TARS3: variants seen among roughly 807,000 people sequenced by gnomAD.
The protein encoded by TARS3 is threonyl-tRNA synthetase 3, also known as threonine--tRNA ligase 2, cytoplasmic.
A neutral mutation model predicts 103.5 loss-of-function variants in TARS3; 94 were observed. The ratio of observed to expected loss-of-function variants is 0.91; its 90% confidence interval spans 0.77 to 1.08. TARS3 has a LOEUF of 1.08. Ranked by LOEUF, TARS3 falls within the 50% of genes least tolerant of loss-of-function variation. The pLI, the probability that TARS3 is intolerant of heterozygous loss-of-function variation, is 0.00. For synonymous variants in TARS3, 416 were observed against 355.4 expected, an observed-to-expected ratio of 1.17 and a Z score of -1.92; for missense variants, 952 against 995.2, an observed-to-expected ratio of 0.96 and a Z score of 0.58.
chr15:101,686,342 A>G (rs1898474475), intron 10 of TARS3, among the ~76,000 whole-genome samples: 1 of 152,200 alleles, frequency 6.6e-6, no homozygotes, highest in Non-Finnish European at 1.5e-5. Context: ...AATACAATAT[A>G]TATAGAAACT....
At chr15:101,682,038 T>C (rs1293058120) in intron 12 of TARS3, among the ~76,000 whole-genome samples, 1 of 152,242 alleles carries the variant, frequency 6.6e-6, no homozygotes, top group Admixed American at 6.5e-5. Flanking sequence ...TCTAATAGCT[T>C]TCTGTAGATT....
intron 7 of TARS3, among the ~76,000 whole-genome samples, chr15:101,705,319 G>T (rs1183791989): frequency 6.6e-6 from 1 of 152,206 alleles, no homozygotes; most frequent in Non-Finnish European, 1.5e-5. Context: ...ACTCTGGACA[G>T]TAAGTATGAG....
intron 12 of TARS3, among the ~76,000 whole-genome samples, chr15:101,681,210 T>C (rs1898242640): frequency 6.6e-6 from 1 of 152,212 alleles, no homozygotes; most frequent in African/African-American, 2.4e-5. Flanking sequence ...ATAGTGACTC[T>C]TCCAAATTTG....
In TARS3 at chr15:101,721,198, C is replaced by T. The variant is rs1400772484; in HGVS notation, c.494G>A (p.Arg165Lys). The T allele has an allele frequency of 1.2e-6, 2 of 1,613,782 alleles. No homozygotes were observed. The highest frequency in any genetic ancestry group is 2.7e-5 in the African/African-American group (2 of 74,910). ...KGDTSNIITVRVADGQTVQGE... is the reference protein window; with the variant it reads ...KGDTSNIITVKVADGQTVQGE... ...TTGCACTGTTTGCCCATCAGCCACT[C>T]TTACTGTGATGATGTTGCTTGTATC... Residue 165 changes from arginine (R) to lysine (K), a missense_variant, in exon 3 of 19, where the codon AGA becomes AAA. By Grantham distance (26) the Arg-to-Lys change is conservative. Around this residue, in one of 2 missense-constraint regions of TARS3, gnomAD observed 412 missense variants for 364.2 expected, o/e 1.13. Coordinates refer to ENST00000335968, the MANE Select transcript of TARS3 (RefSeq NM_152334.3).
chr15:101,705,830 G>T, intron 6 of TARS3, 83 bp from the exon 7 acceptor site: 1 of 1,170,092 alleles, frequency 8.5e-7, no homozygotes, highest in Non-Finnish European at 1.2e-6. Context: ...AAGAAACATT[G>T]AAAGGTCATC....
chr15:101,723,627 C>G (rs1355316072), intron 1 of TARS3, among the ~76,000 whole-genome samples: 1 of 152,138 alleles, frequency 6.6e-6, no homozygotes, highest in African/African-American at 2.4e-5. Context: ...GTTAAATATA[C>G]AGCTATCCTC....
At chr15:101,723,254 C>CTG in intron 1 of TARS3, 90 bp from the exon 2 acceptor site, 1 of 1,218,554 alleles carries the variant, frequency 8.2e-7, no homozygotes, top group Admixed American at 1.8e-5. Flanking sequence ...CTGCAAGTGC[C>CTG]CCGTGTTTAG....
chr15:101,704,014 A>G (rs746244950), intron 7 of TARS3, 77 bp from the exon 8 acceptor site: 1 of 1,049,542 alleles, frequency 9.5e-7, no homozygotes, highest in Non-Finnish European at 1.4e-6. Flanking sequence ...ATAATATCCT[A>G]TGTTTTAGGT....
intron 9 of TARS3, among the ~76,000 whole-genome samples, chr15:101,701,412 G>C (rs1005290965): frequency 6.6e-6 from 1 of 152,150 alleles, no homozygotes; most frequent in Admixed American, 6.5e-5. Flanking sequence ...TATTCTCTGC[G>C]AATTTTCTTA....
At chr15:101,712,143 C>T in intron 4 of TARS3, 142 bp from the exon 5 acceptor site, 1 of 853,844 alleles carries the variant, frequency 1.2e-6, no homozygotes. Context: ...AAAGGAAAAT[C>T]TTCGATGCCC....
At chr15:101,686,841 T>TA (rs1443815309) in intron 10 of TARS3, among the ~76,000 whole-genome samples, 1 of 151,650 alleles carries the variant, frequency 6.6e-6, no homozygotes, top group East Asian at 1.9e-4. Context: ...TGAGAATCCT[T>TA]AGATTCTCAA....
intron 13 of TARS3, among the ~76,000 whole-genome samples, chr15:101,673,634 G>T (rs1897906850): frequency 6.6e-6 from 1 of 152,188 alleles, no homozygotes. Flanking sequence ...GCTGAGCTCT[G>T]TGTCCTCATT....
chr15:101,697,129 C>T (rs1023037666), intron 10 of TARS3, among the ~76,000 whole-genome samples: 1 of 152,172 alleles, frequency 6.6e-6, no homozygotes, highest in African/African-American at 2.4e-5. Flanking sequence ...CTTTTCCCTC[C>T]CTTGAAATGC....
chr15:101,709,916 G>A (rs890150990), intron 5 of TARS3, among the ~76,000 whole-genome samples: 5 of 152,174 alleles, frequency 3.3e-5, no homozygotes, highest in African/African-American at 1.2e-4. Flanking sequence ...GGAGTGATAC[G>A]AGTGTCTTTT....
chr15:101,663,886 G>A (rs981913722), intron 15 of TARS3, among the ~76,000 whole-genome samples: 2 of 152,036 alleles, frequency 1.3e-5, no homozygotes, highest in Non-Finnish European at 2.9e-5. Context: ...GCTCTTTATC[G>A]TGATAAGGAA....
rs376954980 is a variant in TARS3 at position 101,657,793 on chromosome 15, C to A, written c.2137G>T (p.Ala713Ser). The change falls in exon 17 of 19, where the codon GCA (alanine) becomes TCA (serine). Residue 713 changes from alanine to serine, a missense_variant. By Grantham distance (99) the Ala-to-Ser change is moderately conservative. Around this residue, in one of 2 missense-constraint regions of TARS3, gnomAD observed 540 missense variants for 631.0 expected, o/e 0.86. Coordinates refer to ENST00000335968, the MANE Select transcript of TARS3 (RefSeq NM_152334.3). ...IPVGPTCEKYALQVSSEFFEE... is the reference protein window; with the variant it reads ...IPVGPTCEKYSLQVSSEFFEE... ...AACACCTCTGATTTTACCTGAAGTG[C>A]ATATTTTTCACAAGTTGGCCCCACA... 8 of 1,607,304 alleles carry A rather than the reference C, an allele frequency of 5.0e-6. No homozygotes were observed. Among genetic ancestry groups the A allele is most frequent in the Non-Finnish European group, 6.8e-6 (8 of 1,175,938 alleles).
In TARS3 at chr15:101,724,153, G is replaced by C. The variant is rs1482587065; in HGVS notation, c.235C>G (p.Arg79Gly). The change falls in exon 1 of 19, where the codon CGG becomes GGG. Residue 79 changes from arginine (R) to glycine (G), a missense_variant. Arg to Gly is a moderately radical substitution (Grantham distance 125, BLOSUM62 -2). Around this residue, in one of 2 missense-constraint regions of TARS3, gnomAD observed 412 missense variants for 364.2 expected, o/e 1.13. Transcript: ENST00000335968. ...CSLRLCLAEE[R>G]SRQATLESAE... ...CTCTCCAGCGTGGCCTGGCGGCTCC[G>C]CTCCTCGGCGAGGCACAGCCGCAGG... The C allele has an allele frequency of 6.8e-7, 1 of 1,468,880 alleles. No individual in the cohort carries two copies. Among genetic ancestry groups the C allele is most frequent in the South Asian group, 1.3e-5 (1 of 76,592 alleles). 91.0% of individuals were successfully genotyped at this position (1,468,880 alleles called of 1,614,324 possible).
chr15:101,716,855 A>AT (rs34234379), intron 3 of TARS3, among the ~76,000 whole-genome samples: 116,533 of 131,700 alleles, frequency 0.88, 52,635 homozygotes, highest in East Asian at 0.99. Flanking sequence ...CTACAATGTA[A>AT]TTTTTTTTTT....
intron 12 of TARS3, among the ~76,000 whole-genome samples, chr15:101,682,334 T>C (rs1258763779): frequency 6.6e-6 from 1 of 152,198 alleles, no homozygotes; most frequent in Non-Finnish European, 1.5e-5. Context: ...TTATGAGATA[T>C]GGATGTAGAA....
Sources: gnomAD v4.1 joint callset for allele counts (sites outside exome capture counted in the v4.1 genomes callset) on GRCh38, gnomAD v4.1.1 for gene constraint, gnomAD v4.1.1 regional missense constraint, MANE v1.5 for transcripts, NCBI Gene and HGNC (gene_info 2026-07-23, HGNC 2026-07-21) for gene names.